PRDM15: variants seen among roughly 807,000 people sequenced by gnomAD.
PRDM15 encodes PR/SET domain 15.
In PRDM15, 64 loss-of-function variants were observed where a neutral mutation model predicts 128.6. The observed-to-expected ratio is 0.50, with a 90% CI of 0.41 to 0.61. PRDM15 has a LOEUF of 0.61. Ranked by LOEUF, PRDM15 falls within the 20% of genes least tolerant of loss-of-function variation. The pLI, the probability that PRDM15 is intolerant of heterozygous loss-of-function variation, is 0.00. For missense variants in PRDM15, 1,242 were observed against 1,569.1 expected (o/e 0.79, Z 3.52); for synonymous variants, 615 against 621.8 (o/e 0.99, Z 0.16).
rs528897980 is a variant in PRDM15, at chr21:41,834,614, C to T, written c.1366+823G>A. The T allele has an allele frequency of 1.6e-5, 24 of 1,465,380 alleles. 1 individual carries two copies. The highest frequency in any genetic ancestry group is 1.4e-4 in the Admixed American group (7 of 50,686). The allele number at this position is 1,465,380 out of a possible 1,614,324, so 90.8% of individuals were successfully genotyped here. A position where few individuals can be genotyped will look rare whatever the true frequency, so the allele number is the denominator to read the frequency against. Reference sequence around the variant, plus strand: ...AACAGTGACTCACCCCTCTGTGCCCCGCTGGGGACCCCCACTGCTTGGGCC... The same window carrying T: ...AACAGTGACTCACCCCTCTGTGCCCTGCTGGGGACCCCCACTGCTTGGGCC... On this transcript the variant is annotated intron_variant, in intron 11 of 23. Coordinates refer to ENST00000398548, the MANE Select transcript of PRDM15 (RefSeq NM_001040424.3).
rs780722777 is a variant in PRDM15 at position 41,821,249 on chromosome 21, G to A, written c.1897-19C>T. Reference sequence around the variant, plus strand: ...AGGTGAGCTGCGGGCCAGGTGGACAGGGCACTGCTGACACCCGCATGAGGT... The same window carrying A: ...AGGTGAGCTGCGGGCCAGGTGGACAAGGCACTGCTGACACCCGCATGAGGT... On this transcript the variant is annotated intron_variant, in intron 15 of 23. Coordinates refer to ENST00000398548, the MANE Select transcript of PRDM15 (RefSeq NM_001040424.3). This position sits in a 1 kb window ranked among gnomAD's most constrained non-coding sequence, Gnocchi z 5.4. 21 of 1,613,646 alleles carry A rather than the reference G, an allele frequency of 1.3e-5. No individual in the cohort carries two copies. The highest frequency in any genetic ancestry group is 1.7e-5 in the Admixed American group (1 of 60,004).
intron 6 of PRDM15, among the ~76,000 whole-genome samples, chr21:41,843,846 G>A (rs749030637): frequency 1.3e-5 from 2 of 151,834 alleles, no homozygotes; most frequent in Non-Finnish European, 2.9e-5. Flanking sequence ...CTACTTGGGA[G>A]GTCAAAATGA....
At chr21:41,817,121 C>A (rs572014282) in intron 18 of PRDM15, among the ~76,000 whole-genome samples, 77 of 152,314 alleles carry the variant, frequency 5.1e-4, no homozygotes, top group African/African-American at 1.4e-3. Context: ...AATCTGCCAA[C>A]AGTTTCAAAA....
At position 41,832,489 on chromosome 21, in the gene PRDM15, A is replaced by T. The variant is rs112995523; in HGVS notation, c.1366+2948T>A. 6.6e-6 allele frequency among the ~76,000 whole-genome samples: 1 copy of T among 151,962 alleles called. No homozygotes were observed. Among genetic ancestry groups the T allele is most frequent in the African/African-American group, 2.4e-5 (1 of 41,344 alleles). On this transcript the variant is annotated intron_variant, in intron 11 of 23. Transcript: ENST00000398548. The surrounding 1 kb of genome is among the most constrained non-coding windows in gnomAD (Gnocchi z 4.2). ...TCAGATCACCACAGGCCACACCTTTACAGTGCTGTGGCAACGGATCACCAT... is the reference window on the plus strand; with the variant it reads ...TCAGATCACCACAGGCCACACCTTTTCAGTGCTGTGGCAACGGATCACCAT...
chr21:41,818,455 C>CTTTTT (rs35158361), intron 18 of PRDM15, among the ~76,000 whole-genome samples: 9,820 of 151,334 alleles, frequency 0.065, 410 homozygotes, highest in Non-Finnish European at 0.097. Context: ...GCATGCGCTG[C>CTTTTT]TTTTTTAATA....
Position 41,874,525 on chromosome 21 carries a change from A to ATATATTTTT in PRDM15, c.-10+4744_-10+4745insAAAAATATA. ...TGCATATATATATATATATATATATATTTTTTTTTTTTTTTGAAACTTACA... is the reference window on the plus strand; with the variant it reads ...TGCATATATATATATATATATATATATATATTTTTTTTTTTTTTTTTTTTGAAACTTACA... On this transcript the variant is annotated intron_variant, in intron 1 of 23. Transcript: ENST00000398548. Among the ~76,000 whole-genome samples the ATATATTTTT allele has an allele frequency of 2.6e-3, 246 of 95,756 alleles. 1 individual carries two copies. The highest frequency in any genetic ancestry group is 0.01 in the South Asian group (25 of 2,490). 62.8% of individuals were successfully genotyped at this position (95,756 alleles called of 152,430 possible).
chr21:41,808,036 G>A (rs1177042108), intron 21 of PRDM15, among the ~76,000 whole-genome samples: 1 of 152,206 alleles, frequency 6.6e-6, no homozygotes, highest in Non-Finnish European at 1.5e-5. Context: ...GTCTTTATCA[G>A]TAAGGCCTCT....
At chr21:41,843,950 T>TAAAAAAAAAAAAAA (rs1555883669) in intron 6 of PRDM15, among the ~76,000 whole-genome samples, 1 of 123,292 alleles carries the variant, frequency 8.1e-6, no homozygotes, top group Non-Finnish European at 1.7e-5. Context: ...CCTTGTATTG[T>TAAAAAAAAAAAAAA]AAAAAAAAAA....
At chr21:41,864,060 C>T (rs2063915886) in intron 1 of PRDM15, among the ~76,000 whole-genome samples, 1 of 152,108 alleles carries the variant, frequency 6.6e-6, no homozygotes, top group Non-Finnish European at 1.5e-5. Flanking sequence ...GCCAGGAGGG[C>T]CTCGATCTCT....
intron 6 of PRDM15, among the ~76,000 whole-genome samples, chr21:41,843,857 G>A (rs2063146930): frequency 6.6e-6 from 1 of 150,376 alleles, no homozygotes; most frequent in South Asian, 2.1e-4. Flanking sequence ...GTCAAAATGA[G>A]AGGATCATTT....
At chr21:41,851,503 G>A (rs2063428570) in intron 5 of PRDM15, among the ~76,000 whole-genome samples, 1 of 152,258 alleles carries the variant, frequency 6.6e-6, no homozygotes, top group Non-Finnish European at 1.5e-5. Context: ...GGGTCAGGGA[G>A]GAGGGGCTCA....
chr21:41,850,415 C>G (rs8129271), intron 5 of PRDM15, among the ~76,000 whole-genome samples: 95,751 of 151,540 alleles, frequency 0.63, 30,552 homozygotes, highest in Admixed American at 0.71. Flanking sequence ...TGTAAAGAAA[C>G]AAAATCAATC....
In PRDM15 at chr21:41,799,333, T is replaced by G. The variant is rs2061365687; in HGVS notation, c.*1907A>C. On this transcript the variant is annotated 3_prime_UTR_variant, in exon 24 of 24. Coordinates refer to ENST00000398548, the MANE Select transcript of PRDM15 (RefSeq NM_001040424.3). The stretch of plus-strand genomic sequence containing the variant: ...TGATTCCATGGATGCCTGGAGCACT[T>G]GTATCTGGAGAATGGAGACAATATC... 1 of 152,220 alleles carries G rather than the reference T, an allele frequency of 6.6e-6. No homozygotes were observed. The highest frequency in any genetic ancestry group is 6.5e-5 in the Admixed American group (1 of 15,280). The allele number at this position is 152,220 out of a possible 1,614,324, so 9.4% of individuals were successfully genotyped here. A position where few individuals can be genotyped will look rare whatever the true frequency, so the allele number is the denominator to read the frequency against.
intron 11 of PRDM15, 135 bp downstream of exon 11, chr21:41,835,302 G>C (rs2062834669): frequency 1.4e-6 from 1 of 725,138 alleles, no homozygotes. Context: ...AAAATGGACA[G>C]AGGGAAATGT....
intron 1 of PRDM15, among the ~76,000 whole-genome samples, chr21:41,872,479 C>G (rs1461975853): frequency 2.0e-5 from 3 of 152,134 alleles, no homozygotes; most frequent in African/African-American, 7.2e-5. Context: ...TGAACTTAAA[C>G]AACTTCATTA....
At chr21:41,820,380 A>C (rs529189790) in intron 16 of PRDM15, among the ~76,000 whole-genome samples, 1 of 152,320 alleles carries the variant, frequency 6.6e-6, no homozygotes, top group African/African-American at 2.4e-5. Context: ...GGCACTTCAC[A>C]ATGTGACTAT....
intron 22 of PRDM15, among the ~76,000 whole-genome samples, chr21:41,803,465 C>G (rs963174766): frequency 1.3e-5 from 2 of 152,240 alleles, no homozygotes; most frequent in African/African-American, 4.8e-5. Context: ...GCTGTGACCA[C>G]ATCCTCTGAA....
At chr21:41,820,246 G>A (rs1021384962) in intron 16 of PRDM15, 72 bp from the exon 17 acceptor site, 31 of 1,196,226 alleles carry the variant, frequency 2.6e-5, no homozygotes, top group Non-Finnish European at 3.3e-5. Context: ...ACTTTCCCCA[G>A]CACCTTCATC....
At chr21:41,867,832 G>A (rs1192580882) in intron 1 of PRDM15, among the ~76,000 whole-genome samples, 2 of 152,142 alleles carry the variant, frequency 1.3e-5, no homozygotes, top group Non-Finnish European at 2.9e-5. Context: ...CAAGGCAGGT[G>A]AATCACCTGA....
Sources: gnomAD v4.1 joint callset for allele counts (sites outside exome capture counted in the v4.1 genomes callset) on GRCh38, gnomAD v4.1.1 for gene constraint, Gnocchi (gnomAD v3.1) non-coding constraint, MANE v1.5 for transcripts, NCBI Gene and HGNC (gene_info 2026-07-23, HGNC 2026-07-21) for gene names.